The following OGDH variants were observed in gnomAD, a reference collection of about 807,000 sequenced individuals.
OGDH encodes 2-oxoglutarate dehydrogenase complex component E1.
In OGDH, 38 loss-of-function variants were observed where a neutral mutation model predicts 116.6. The ratio of observed to expected loss-of-function variants is 0.33; its 90% confidence interval spans 0.25 to 0.43. OGDH has a LOEUF of 0.43. OGDH is among the 20% of genes least tolerant of loss of function. The pLI, the probability that OGDH is intolerant of heterozygous loss-of-function variation, is 1.00. For synonymous variants in OGDH, 488 were observed against 533.3 expected (o/e 0.92, Z 1.17); for missense variants, 825 against 1,357.2 (o/e 0.61, Z 6.16).
chr7:44,632,826 G>C (rs1190850958), intron 2 of OGDH, among the ~76,000 whole-genome samples: 1 of 151,440 alleles, frequency 6.6e-6, no homozygotes, highest in Non-Finnish European at 1.5e-5. Flanking sequence ...CGCCATGTTA[G>C]CCAGGATGGT....
intron 3 of OGDH, among the ~76,000 whole-genome samples, chr7:44,646,490 G>A (rs1203557153): frequency 1.3e-5 from 2 of 152,240 alleles, no homozygotes; most frequent in African/African-American, 4.8e-5. Flanking sequence ...GAAAGGAGAT[G>A]CATGGAGTTT....
intron 2 of OGDH, among the ~76,000 whole-genome samples, chr7:44,644,852 A>G (rs962429281): frequency 2.0e-5 from 3 of 152,140 alleles, no homozygotes; most frequent in African/African-American, 7.2e-5. Context: ...GAGGTGTTTG[A>G]TGGGGTGTTT....
chr7:44,627,758 A>G (rs890340437), intron 2 of OGDH, among the ~76,000 whole-genome samples: 4 of 151,936 alleles, frequency 2.6e-5, no homozygotes, highest in Admixed American at 6.6e-5. Context: ...GCTCACTGCA[A>G]CCTCCACCTC....
intron 2 of OGDH, among the ~76,000 whole-genome samples, chr7:44,626,776 A>AG (rs1284947008): frequency 6.6e-6 from 1 of 152,116 alleles, no homozygotes; most frequent in Non-Finnish European, 1.5e-5. Flanking sequence ...GGGAGTCTCC[A>AG]GGGGGCACAG....
intron 20 of OGDH, among the ~76,000 whole-genome samples, chr7:44,702,898 C>T (rs989174342): frequency 8.5e-5 from 13 of 152,132 alleles, no homozygotes; most frequent in Non-Finnish European, 1.3e-4. Flanking sequence ...GCCCAGCCCC[C>T]AGTCTTTTTT....
intron 1 of OGDH, among the ~76,000 whole-genome samples, chr7:44,617,967 C>T (rs776610359): frequency 6.6e-6 from 1 of 152,158 alleles, no homozygotes; most frequent in African/African-American, 2.4e-5. Flanking sequence ...GTACCTCCTA[C>T]CCAACTGGGG....
chr7:44,673,049 C>T (rs1233672453), intron 5 of OGDH, among the ~76,000 whole-genome samples: 1 of 152,138 alleles, frequency 6.6e-6, no homozygotes, highest in East Asian at 1.9e-4. Context: ...CTTCCTCACC[C>T]AGCTGTGCAG....
chr7:44,636,918 G>A (rs1227482853), intron 2 of OGDH, among the ~76,000 whole-genome samples: 2 of 152,080 alleles, frequency 1.3e-5, no homozygotes, highest in Non-Finnish European at 2.9e-5. Flanking sequence ...TGGGAAGTTG[G>A]CTGTGAGTGG....
chr7:44,670,124 G>A (rs1264510122), intron 5 of OGDH, among the ~76,000 whole-genome samples: 1 of 152,008 alleles, frequency 6.6e-6, no homozygotes, highest in Non-Finnish European at 1.5e-5. Context: ...TAGTGGCCCG[G>A]TAACTACATC....
intron 4 of OGDH, among the ~76,000 whole-genome samples, chr7:44,648,631 A>T (rs966985366): frequency 2.7e-5 from 4 of 150,532 alleles, no homozygotes; most frequent in African/African-American, 1.0e-4. Context: ...CCTCACAGGC[A>T]CTTTTGGGGA....
Position 44,693,878 on chromosome 7 carries a change from C to T in OGDH, c.1389C>T (p.Asp463=), listed in dbSNP as rs923358618. The change falls in exon 11 of 23, where the codon GAC becomes GAT. Residue 463 remains aspartate, a synonymous_variant. Transcript: ENST00000222673. ...RMARSSPYPT[D]VARVVNAPIF... ...CCCGCTCCTCCCCCTACCCCACTGA[C>T]GTGGCCCGAGTGGTGAATGCCCCCA... is the stretch of plus-strand genomic sequence containing the variant. 4.3e-6 allele frequency: 7 copies of T among 1,613,754 alleles called. No homozygotes were observed. Among genetic ancestry groups the T allele is most frequent in the African/African-American group, 4.0e-5 (3 of 74,926 alleles).
intron 10 of OGDH, among the ~76,000 whole-genome samples, chr7:44,685,197 A>G (rs373878397): frequency 2.0e-5 from 3 of 152,282 alleles, no homozygotes; most frequent in African/African-American, 7.2e-5. Flanking sequence ...TGCAACCATC[A>G]CCACCACCCA....
At chr7:44,663,977 A>G (rs1327463063) in intron 4 of OGDH, among the ~76,000 whole-genome samples, 1 of 151,962 alleles carries the variant, frequency 6.6e-6, no homozygotes, top group East Asian at 1.9e-4. Context: ...TTTGATGATG[A>G]CTGTTCAAAT....
chr7:44,627,719 C>A (rs906671165), intron 2 of OGDH, among the ~76,000 whole-genome samples: 1 of 152,000 alleles, frequency 6.6e-6, no homozygotes, highest in Non-Finnish European at 1.5e-5. Flanking sequence ...ACTCTGTCAC[C>A]CAGGCTGCAG....
Position 44,696,480 on chromosome 7 carries a change from G to T in OGDH, c.1823G>T (p.Gly608Val). The T allele has an allele frequency of 6.2e-7, 1 of 1,614,222 alleles. No individual in the cohort carries two copies. The highest frequency in any genetic ancestry group is 8.5e-7 in the Non-Finnish European group (1 of 1,180,044). Residue 608 changes from glycine to valine, a missense_variant, in exon 14 of 23, where the codon GGT (glycine) becomes GTT (valine). Physicochemically the swap from Gly to Val is moderately radical, Grantham distance 109. Around this residue, in one of 7 missense-constraint regions of OGDH, gnomAD observed 92 missense variants for 129.7 expected, o/e 0.71. Coordinates refer to ENST00000222673, the MANE Select transcript of OGDH (RefSeq NM_002541.4). ...QPRSMSCPST[G>V]LTEDILTHIG... ...AGGAGCATGTCCTGCCCCTCCACGGGTCTGACGGAGGATATTCTGACACAC... is the reference window on the plus strand; with the variant it reads ...AGGAGCATGTCCTGCCCCTCCACGGTTCTGACGGAGGATATTCTGACACAC...
chr7:44,642,415 C>T (rs1785984049), intron 2 of OGDH, among the ~76,000 whole-genome samples: 1 of 152,004 alleles, frequency 6.6e-6, no homozygotes, highest in Non-Finnish European at 1.5e-5. Context: ...CAGAGCCAGA[C>T]CCTGTCTCAA....
At chr7:44,676,243 G>A (rs759144296) in intron 9 of OGDH, 94 bp downstream of exon 9, 5 of 1,602,010 alleles carry the variant, frequency 3.1e-6, no homozygotes, top group East Asian at 4.5e-5. Flanking sequence ...AGCCCTGGGT[G>A]CATCTAGACT....
chr7:44,613,511 C>G (rs1420839862), intron 1 of OGDH, among the ~76,000 whole-genome samples: 3 of 151,434 alleles, frequency 2.0e-5, no homozygotes, highest in Admixed American at 2.0e-4. Flanking sequence ...AGGCGCCCAC[C>G]ACCATGCCTG....
intron 4 of OGDH, chr7:44,656,347 A>T: frequency 1.3e-6 from 2 of 1,536,006 alleles, no homozygotes; most frequent in Non-Finnish European, 1.7e-6. Flanking sequence ...ACGACTTCGA[A>T]TGCTAACAGT....
Sources: gnomAD v4.1 joint callset for allele counts (sites outside exome capture counted in the v4.1 genomes callset) on GRCh38, gnomAD v4.1.1 for gene constraint, gnomAD v4.1.1 regional missense constraint, MANE v1.5 for transcripts, NCBI Gene and HGNC (gene_info 2026-07-23, HGNC 2026-07-21) for gene names.